GSK3B: variants seen among roughly 807,000 people sequenced by gnomAD.
GSK3B encodes glycogen synthase kinase 3 beta.
GSK3B carries 15 observed loss-of-function variants against 56.4 expected under a neutral mutation model. That is an observed-to-expected ratio of 0.27 (90% confidence interval 0.18 to 0.41). The LOEUF (loss-of-function observed/expected upper bound fraction) is 0.41. GSK3B is among the 10% of genes least tolerant of loss of function. GSK3B has a pLI of 1.00. For synonymous variants in GSK3B, 181 were observed against 188.9 expected (o/e 0.96, Z 0.34); for missense variants, 300 against 513.4 (o/e 0.58, Z 4.02).
intron 1 of GSK3B, among the ~76,000 whole-genome samples, chr3:120,085,657 C>T (rs914856664): frequency 1.1e-4 from 17 of 152,208 alleles, no homozygotes; most frequent in African/African-American, 3.9e-4. Flanking sequence ...AAAAAATTAG[C>T]GGGGAATGGT....
At chr3:119,859,383 T>C (rs891629554) in intron 9 of GSK3B, among the ~76,000 whole-genome samples, 21 of 152,348 alleles carry the variant, frequency 1.4e-4, no homozygotes, top group Middle Eastern at 6.8e-3. Flanking sequence ...ATGTCTATTG[T>C]TATTTTATAA....
At chr3:119,846,330 C>T (rs2055854603) in intron 9 of GSK3B, among the ~76,000 whole-genome samples, 1 of 152,002 alleles carries the variant, frequency 6.6e-6, no homozygotes, top group African/African-American at 2.4e-5. Flanking sequence ...TTCTGCACAG[C>T]AAAAGAAACT....
chr3:119,980,307 T>C (rs564789118), intron 2 of GSK3B, among the ~76,000 whole-genome samples: 5 of 152,320 alleles, frequency 3.3e-5, no homozygotes, highest in Non-Finnish European at 1.5e-5. Flanking sequence ...ACATTTTGCA[T>C]AGAGGCTGCA....
chr3:119,842,602 A>G (rs1210294166), intron 10 of GSK3B, among the ~76,000 whole-genome samples: 3 of 152,172 alleles, frequency 2.0e-5, no homozygotes, highest in African/African-American at 7.2e-5. Flanking sequence ...TTATGTAAAA[A>G]CCGTAACTTC....
chr3:119,963,909 G>C (rs2057296718), intron 2 of GSK3B, among the ~76,000 whole-genome samples: 1 of 152,076 alleles, frequency 6.6e-6, no homozygotes, highest in South Asian at 2.1e-4. Flanking sequence ...TGAAAACGTA[G>C]AACCCTTTGA....
At chr3:120,079,540 A>G (rs1369175909) in intron 1 of GSK3B, among the ~76,000 whole-genome samples, 2 of 151,896 alleles carry the variant, frequency 1.3e-5, no homozygotes, top group African/African-American at 2.4e-5. Flanking sequence ...AATTACAGGC[A>G]CCTGCCACCG....
At chr3:120,000,136 T>C (rs1347945250) in intron 2 of GSK3B, among the ~76,000 whole-genome samples, 1 of 152,072 alleles carries the variant, frequency 6.6e-6, no homozygotes, top group African/African-American at 2.4e-5. Flanking sequence ...CACAAGGCAG[T>C]ATGAGGAAAA....
chr3:119,891,184 A>G (rs145044316), intron 7 of GSK3B, among the ~76,000 whole-genome samples: 161 of 151,894 alleles, frequency 1.1e-3, no homozygotes, highest in African/African-American at 3.5e-3. Context: ...TACTTAAGGA[A>G]TGTAGCAGGC....
intron 1 of GSK3B, among the ~76,000 whole-genome samples, chr3:120,014,149 A>G (rs1271419416): frequency 2.7e-5 from 4 of 149,152 alleles, no homozygotes; most frequent in Non-Finnish European, 4.5e-5. Flanking sequence ...AAAAAAAAAA[A>G]GCAAAAACAA....
chr3:119,842,009 G>T (rs62264706), intron 10 of GSK3B, among the ~76,000 whole-genome samples: 36,750 of 151,876 alleles, frequency 0.24, 4,903 homozygotes, highest in East Asian at 0.48. Flanking sequence ...AGGCAAAAAT[G>T]GATCTGATCC....
intron 7 of GSK3B, among the ~76,000 whole-genome samples, chr3:119,896,892 CACAA>C (rs1198558081): frequency 6.6e-6 from 1 of 152,086 alleles, no homozygotes; most frequent in African/African-American, 2.4e-5. Context: ...TAGGTCAACA[CACAA>C]AATAACTCAA....
chr3:120,090,146 C>T (rs2058498599), intron 1 of GSK3B, among the ~76,000 whole-genome samples: 1 of 151,500 alleles, frequency 6.6e-6, no homozygotes, highest in African/African-American at 2.4e-5. Context: ...AGTTTAGTCC[C>T]AAAAGTATTT....
chr3:119,985,165 A>T (rs905455240), intron 2 of GSK3B, among the ~76,000 whole-genome samples: 1 of 152,232 alleles, frequency 6.6e-6, no homozygotes, highest in Non-Finnish European at 1.5e-5. Flanking sequence ...ATTCTCAATA[A>T]ACGAGGTATT....
intron 2 of GSK3B, among the ~76,000 whole-genome samples, chr3:119,986,575 C>T (rs757592481): frequency 2.6e-5 from 4 of 151,654 alleles, no homozygotes; most frequent in Non-Finnish European, 4.4e-5. Flanking sequence ...AACAGACACA[C>T]GAAAAAATGC....
intron 7 of GSK3B, among the ~76,000 whole-genome samples, chr3:119,898,066 A>T (rs1192643897): frequency 1.3e-5 from 2 of 152,186 alleles, no homozygotes; most frequent in Non-Finnish European, 2.9e-5. Flanking sequence ...CAATATGTCC[A>T]ATCTACTGAA....
intron 6 of GSK3B, among the ~76,000 whole-genome samples, chr3:119,910,985 T>G (rs971760398): frequency 2.6e-5 from 4 of 152,190 alleles, no homozygotes; most frequent in Admixed American, 6.6e-5. Flanking sequence ...TTCCACAACA[T>G]CTGCAGAGAC....
chr3:120,051,118 T>C (rs2058145136), intron 1 of GSK3B, among the ~76,000 whole-genome samples: 1 of 130,262 alleles, frequency 7.7e-6, no homozygotes, highest in Admixed American at 7.4e-5. Flanking sequence ...AGATGCTGTC[T>C]ATCAATTTCT....
intron 8 of GSK3B, among the ~76,000 whole-genome samples, chr3:119,865,435 GATATATATATAT>G (rs1159737610): frequency 1.7e-4 from 5 of 28,652 alleles, no homozygotes; most frequent in African/African-American, 4.2e-4. Flanking sequence ...GCTTATTTCC[GATATATATATAT>G]ATATATATAT....
Position 120,093,677 on chromosome 3 carries a change from G to A in GSK3B, c.-243C>T. The stretch of plus-strand genomic sequence containing the variant: ...TAACATATAGATGATTTAGGACTTG[G>A]GAAAAAATACAATTCTTTCCCCTCC... On this transcript the variant is annotated 5_prime_UTR_variant, in exon 1 of 11. Transcript: ENST00000264235. 2 of 388,666 alleles carry A rather than the reference G, an allele frequency of 5.1e-6. No homozygotes were observed. The highest frequency in any genetic ancestry group is 9.2e-6 in the Non-Finnish European group (2 of 217,292). 24.1% of individuals were successfully genotyped at this position (388,666 alleles called of 1,614,324 possible). A position where few individuals can be genotyped will look rare whatever the true frequency, so the allele number is the denominator to read the frequency against.
Sources: gnomAD v4.1 joint callset for allele counts (sites outside exome capture counted in the v4.1 genomes callset) on GRCh38, gnomAD v4.1.1 for gene constraint, MANE v1.5 for transcripts, NCBI Gene and HGNC (gene_info 2026-07-23, HGNC 2026-07-21) for gene names.